NTNG1: variants seen among roughly 807,000 people sequenced by gnomAD.
The protein encoded by NTNG1 is netrin G1.
Under a neutral mutation model 54.0 loss-of-function variants are expected in NTNG1, and 16 were observed. The ratio of observed to expected loss-of-function variants is 0.30; its 90% CI spans 0.20 to 0.45. The LOEUF (loss-of-function observed/expected upper bound fraction) is 0.45, where lower values mean the gene tolerates loss of function less well. NTNG1 is among the 20% of genes least tolerant of loss of function. NTNG1 has a pLI of 1.00. For synonymous variants in NTNG1, 255 were observed against 263.1 expected, an observed-to-expected ratio of 0.97 and a Z score of 0.30; for missense variants, 530 against 678.7, an observed-to-expected ratio of 0.78 and a Z score of 2.43.
At chr1:107,168,290 G>A (rs1655964336) in intron 2 of NTNG1, among the ~76,000 whole-genome samples, 1 of 151,552 alleles carries the variant, frequency 6.6e-6, no homozygotes. Flanking sequence ...AATGACCTTA[G>A]CAACTAGATT....
At chr1:107,427,726 A>T (rs1203162286) in intron 5 of NTNG1, among the ~76,000 whole-genome samples, 1 of 152,132 alleles carries the variant, frequency 6.6e-6, no homozygotes, top group Non-Finnish European at 1.5e-5. Flanking sequence ...ATCATAAAAC[A>T]TTTTAATGCT....
At chr1:107,172,790 C>G (rs1446965685) in intron 2 of NTNG1, among the ~76,000 whole-genome samples, 1 of 152,100 alleles carries the variant, frequency 6.6e-6, no homozygotes, top group Non-Finnish European at 1.5e-5. Context: ...TAGAAATTTG[C>G]TATGTTATAC....
intron 3 of NTNG1, among the ~76,000 whole-genome samples, chr1:107,361,639 C>T (rs1034084797): frequency 2.6e-5 from 4 of 151,678 alleles, no homozygotes; most frequent in Non-Finnish European, 5.9e-5. Flanking sequence ...CCACCCGCCT[C>T]GGCCTCCCAA....
intron 2 of NTNG1, among the ~76,000 whole-genome samples, chr1:107,165,481 C>T (rs1425365414): frequency 3.9e-5 from 6 of 152,180 alleles, no homozygotes. Flanking sequence ...CAACTGCCCT[C>T]TTGTAGTAGG....
upstream of NTNG1, chr1:107,140,188 A>G (rs914034919): frequency 6.5e-6 from 1 of 152,726 alleles, no homozygotes; most frequent in Non-Finnish European, 1.5e-5. Context: ...CTCGGAGCGC[A>G]CAGGTCTCGA....
chr1:107,246,647 T>C (rs1489042427), intron 2 of NTNG1, among the ~76,000 whole-genome samples: 2 of 152,094 alleles, frequency 1.3e-5, no homozygotes, highest in African/African-American at 2.4e-5. Context: ...TACCTATGCT[T>C]AATTTTTTAT....
Position 107,391,858 on chromosome 1 carries a change from G to A in NTNG1, c.888-3296G>A, listed in dbSNP as rs556667125. 2.8e-4 allele frequency among the ~76,000 whole-genome samples: 43 copies of A among 152,214 alleles called. No individual in the cohort carries two copies. The South Asian group carries it at 5.8e-3, about 21-fold the overall frequency. On this transcript the variant is annotated intron_variant, in intron 3 of 7. Coordinates refer to ENST00000370068, the MANE Select transcript of NTNG1 (RefSeq NM_001113226.3). ...TCCCATCAGGTCCCTCCCTAGCATT[G>A]GAGATCACATTTCAACATGAGATTT... is the stretch of plus-strand genomic sequence containing the variant.
intron 2 of NTNG1, among the ~76,000 whole-genome samples, chr1:107,263,964 C>T (rs1013960534): frequency 2.0e-5 from 3 of 152,144 alleles, no homozygotes; most frequent in African/African-American, 7.2e-5. Context: ...TATGCTATTT[C>T]TCTTATGGTT....
chr1:107,223,088 A>G (rs990134425), intron 2 of NTNG1, among the ~76,000 whole-genome samples: 3 of 152,156 alleles, frequency 2.0e-5, no homozygotes, highest in South Asian at 2.1e-4. Flanking sequence ...ATTCTGATCA[A>G]TAAGGTAGGT....
At chr1:107,334,850 C>G (rs773978623) in intron 3 of NTNG1, among the ~76,000 whole-genome samples, 3 of 151,938 alleles carry the variant, frequency 2.0e-5, no homozygotes, top group Non-Finnish European at 4.4e-5. Flanking sequence ...TCCTTCTAAG[C>G]ATCACGTAGA....
intron 3 of NTNG1, among the ~76,000 whole-genome samples, chr1:107,341,522 A>C (rs1349388157): frequency 6.6e-6 from 1 of 151,970 alleles, no homozygotes; most frequent in East Asian, 1.9e-4. Context: ...ATTATACCCC[A>C]TTTCCTCTGG....
intron 2 of NTNG1, among the ~76,000 whole-genome samples, chr1:107,254,397 A>T (rs1662800471): frequency 6.6e-6 from 1 of 152,214 alleles, no homozygotes; most frequent in Admixed American, 6.5e-5. Flanking sequence ...TGCTCATTTT[A>T]CCTCTTGACT....
At chr1:107,353,638 CA>C (rs761520064) in intron 3 of NTNG1, among the ~76,000 whole-genome samples, 26 of 152,184 alleles carry the variant, frequency 1.7e-4, no homozygotes, top group Non-Finnish European at 3.5e-4. Context: ...TACCCAATTC[CA>C]AAGCTGCTTC....
intron 7 of NTNG1, among the ~76,000 whole-genome samples, chr1:107,441,105 A>G (rs756343338): frequency 2.0e-5 from 3 of 152,148 alleles, no homozygotes; most frequent in Admixed American, 1.3e-4. Context: ...CCAGAGAATA[A>G]AATTGAGCCT....
chr1:107,276,894 G>T (rs891941568), intron 2 of NTNG1, among the ~76,000 whole-genome samples: 2 of 151,478 alleles, frequency 1.3e-5, no homozygotes, highest in African/African-American at 4.9e-5. Context: ...CTTTGATGGT[G>T]AATAGAGGTC....
intron 2 of NTNG1, among the ~76,000 whole-genome samples, chr1:107,314,696 G>A (rs1053952365): frequency 1.2e-4 from 18 of 152,090 alleles, no homozygotes; most frequent in Non-Finnish European, 1.5e-5. Context: ...AGGTCTAAAC[G>A]CACATTTACT....
chr1:107,228,016 T>C (rs892125265), intron 2 of NTNG1, among the ~76,000 whole-genome samples: 3 of 152,198 alleles, frequency 2.0e-5, no homozygotes, highest in Non-Finnish European at 4.4e-5. Flanking sequence ...TTGTATGACT[T>C]CTAGATAATA....
chr1:107,392,934 G>T (rs1443969227), intron 3 of NTNG1, among the ~76,000 whole-genome samples: 1 of 152,158 alleles, frequency 6.6e-6, no homozygotes, highest in Non-Finnish European at 1.5e-5. Context: ...TATGAATTGA[G>T]TTGAGCCTTG....
intron 3 of NTNG1, among the ~76,000 whole-genome samples, chr1:107,375,251 G>A (rs560276870): frequency 9.9e-5 from 15 of 152,258 alleles, no homozygotes; most frequent in African/African-American, 2.4e-4. Flanking sequence ...CCTTTGATCC[G>A]GGAGTCTAGT....
Sources: gnomAD v4.1 joint callset for allele counts (sites outside exome capture counted in the v4.1 genomes callset) on GRCh38, gnomAD v4.1.1 for gene constraint, MANE v1.5 for transcripts, NCBI Gene and HGNC (gene_info 2026-07-23, HGNC 2026-07-21) for gene names.